Variants in MCCC1 observed in about 807,000 individuals in gnomAD.
The protein encoded by MCCC1 is methylcrotonoyl-CoA carboxylase subunit alpha, mitochondrial.
In MCCC1, 64 loss-of-function variants were observed where a neutral mutation model predicts 83.8. That is an observed-to-expected ratio of 0.76 (90% confidence interval 0.62 to 0.94). The LOEUF is 0.94. Ranked by LOEUF, MCCC1 falls within the 40% of genes least tolerant of loss-of-function variation. The probability of loss-of-function intolerance (pLI) is 0.00; values close to 1 mark genes in which losing one functional copy is unlikely to be tolerated. For synonymous variants in MCCC1, 322 were observed against 315.4 expected (o/e 1.02, Z -0.22); for missense variants, 807 against 904.7 (o/e 0.89, Z 1.39).
chr3:183,068,456 G>A (rs1360481486), intron 7 of MCCC1, among the ~76,000 whole-genome samples: 1 of 152,116 alleles, frequency 6.6e-6, no homozygotes, highest in East Asian at 1.9e-4. Flanking sequence ...TCTAAAAAGG[G>A]GAGGCAAGAA....
intron 1 of MCCC1, among the ~76,000 whole-genome samples, chr3:183,105,861 AG>A (rs1177741525): frequency 6.6e-6 from 1 of 152,076 alleles, no homozygotes; most frequent in Admixed American, 6.6e-5. Flanking sequence ...AGGCTGAGGC[AG>A]GTGGATCACG....
At chr3:183,023,331 A>G (rs2108442851) in intron 15 of MCCC1, among the ~76,000 whole-genome samples, 3 of 152,354 alleles carry the variant, frequency 2.0e-5, no homozygotes, top group Middle Eastern at 6.8e-3. Context: ...TGCAATATTT[A>G]CACATTGGTT....
In MCCC1 at chr3:183,078,753, T is replaced by C. The variant is rs372309307; in HGVS notation, c.370-6266A>G. 5.3e-5 allele frequency among the ~76,000 whole-genome samples: 8 copies of C among 152,234 alleles called. No homozygotes were observed. In the East Asian group the frequency reaches 5.8e-4, roughly 11 times the overall value. On this transcript the variant is annotated intron_variant, in intron 4 of 18. Transcript: ENST00000265594. ...TAGATAAATGCTCTTCTTTCATAAC[T>C]GTATTAGTCTGTTTTCACACTGCTG...
intron 2 of MCCC1, among the ~76,000 whole-genome samples, chr3:183,093,523 C>T (rs1718516188): frequency 1.3e-5 from 2 of 152,092 alleles, no homozygotes; most frequent in Admixed American, 1.3e-4. Context: ...ACTGGCATGG[C>T]ACCATAATGA....
intron 7 of MCCC1, among the ~76,000 whole-genome samples, chr3:183,060,516 C>T (rs10212195): frequency 0.9 from 136,521 of 152,244 alleles, 61,572 homozygotes; most frequent in East Asian, 1. Context: ...TTTTGCTATA[C>T]GACTGAAATC....
chr3:183,068,303 G>C (rs1196184582), intron 7 of MCCC1, among the ~76,000 whole-genome samples: 1 of 152,140 alleles, frequency 6.6e-6, no homozygotes, highest in Non-Finnish European at 1.5e-5. Flanking sequence ...GATAAAACAG[G>C]TTGCAGTAAA....
At chr3:183,062,902 G>A (rs995546685) in intron 7 of MCCC1, among the ~76,000 whole-genome samples, 11 of 152,198 alleles carry the variant, frequency 7.2e-5, no homozygotes, top group East Asian at 1.9e-4. Flanking sequence ...GCCAGAGTAC[G>A]GCCAGAGAGA....
In MCCC1 at chr3:183,033,552, C is replaced by T. The variant is rs545721634; in HGVS notation, c.1681+439G>A. Among the ~76,000 whole-genome samples, 5 of 152,278 alleles carry T rather than the reference C, an allele frequency of 3.3e-5. No homozygotes were observed. In the South Asian group the frequency reaches 1.0e-3, roughly 32 times the overall value. Reference sequence around the variant, plus strand: ...TCCACCTGAAACCCCTGAAACACTGCATGGGCAGTGGGTAATCGTCCCTCT... The same window carrying T: ...TCCACCTGAAACCCCTGAAACACTGTATGGGCAGTGGGTAATCGTCCCTCT... On this transcript the variant is annotated intron_variant, in intron 14 of 18. Transcript: ENST00000265594.
chr3:183,019,756 C>A (rs967512281), intron 17 of MCCC1, among the ~76,000 whole-genome samples: 5 of 152,158 alleles, frequency 3.3e-5, no homozygotes, highest in Admixed American at 2.6e-4. Flanking sequence ...GATGCAACTA[C>A]GTACACTAAA....
intron 3 of MCCC1, among the ~76,000 whole-genome samples, chr3:183,087,818 C>T (rs1247273279): frequency 1.4e-5 from 2 of 146,330 alleles, no homozygotes; most frequent in Non-Finnish European, 1.5e-5. Context: ...TGTAGTGAGC[C>T]GAGATTGCGC....
At chr3:183,104,778 A>T (rs893515415) in intron 1 of MCCC1, among the ~76,000 whole-genome samples, 1 of 152,262 alleles carries the variant, frequency 6.6e-6, no homozygotes, top group African/African-American at 2.4e-5. Context: ...TCATATTAGC[A>T]GATAACATAA....
At chr3:183,104,095 C>T (rs1009761752), upstream of MCCC1, among the ~76,000 whole-genome samples, 13 of 152,304 alleles carry the variant, frequency 8.5e-5, no homozygotes, top group African/African-American at 3.1e-4. Flanking sequence ...CCGCAAGCGC[C>T]GCGCGCAGCC....
At chr3:183,061,777 A>G (rs183568315) in intron 7 of MCCC1, among the ~76,000 whole-genome samples, 10 of 152,324 alleles carry the variant, frequency 6.6e-5, no homozygotes, top group Admixed American at 5.9e-4. Context: ...GATATGACTG[A>G]TAACTTTCAA....
chr3:183,053,467 G>GATAC (rs1715147644), intron 8 of MCCC1, among the ~76,000 whole-genome samples: 1 of 151,100 alleles, frequency 6.6e-6, no homozygotes, highest in Admixed American at 6.6e-5. Flanking sequence ...TAGCCTGGGT[G>GATAC]ATACAGCAAG....
upstream of MCCC1, among the ~76,000 whole-genome samples, chr3:183,101,718 C>T (rs1026333536): frequency 6.6e-6 from 1 of 152,232 alleles, no homozygotes; most frequent in African/African-American, 2.4e-5. Context: ...CCATTCCACG[C>T]TGTGGAAGCT....
intron 10 of MCCC1, among the ~76,000 whole-genome samples, chr3:183,042,372 A>G (rs1441756742): frequency 6.6e-6 from 1 of 152,234 alleles, no homozygotes; most frequent in Non-Finnish European, 1.5e-5. Flanking sequence ...TTATGTACCA[A>G]TACAACAAAT....
At chr3:183,083,441 T>C (rs16833679) in intron 4 of MCCC1, among the ~76,000 whole-genome samples, 1,707 of 152,318 alleles carry the variant, frequency 0.011, 36 homozygotes, top group African/African-American at 0.039. Flanking sequence ...TTTTCACCAC[T>C]AATTTTTGCA....
At chr3:183,052,363 C>T (rs1715044473) in intron 8 of MCCC1, 123 bp from the exon 9 acceptor site, 1 of 786,354 alleles carries the variant, frequency 1.3e-6, no homozygotes, top group Non-Finnish European at 2.2e-6. Flanking sequence ...ACCACATATA[C>T]AACAGTTGTC....
intron 10 of MCCC1, 124 bp from the exon 11 acceptor site, chr3:183,041,874 A>G: frequency 9.2e-7 from 1 of 1,091,302 alleles, no homozygotes; most frequent in East Asian, 2.5e-5. Context: ...CAGCCAAATA[A>G]AAACTATTAT....
Sources: gnomAD v4.1 joint callset for allele counts (sites outside exome capture counted in the v4.1 genomes callset) on GRCh38, gnomAD v4.1.1 for gene constraint, MANE v1.5 for transcripts, NCBI Gene and HGNC (gene_info 2026-07-23, HGNC 2026-07-21) for gene names.